TBXAS1: variants seen among roughly 807,000 people sequenced by gnomAD.
The protein encoded by TBXAS1 is thromboxane-A synthase.
In TBXAS1, 48 loss-of-function variants were observed where a neutral mutation model predicts 60.7. The observed-to-expected ratio is 0.79, with a 90% confidence interval of 0.63 to 1.01. The LOEUF (loss-of-function observed/expected upper bound fraction) is 1.01, where lower values mean the gene tolerates loss of function less well. TBXAS1 is among the 50% of genes least tolerant of loss of function. The pLI is 0.00. For synonymous variants in TBXAS1, 287 were observed against 269.7 expected (o/e 1.06, Z -0.63); for missense variants, 685 against 686.3 (o/e 1.00, Z 0.02).
intron 4 of TBXAS1, among the ~76,000 whole-genome samples, chr7:139,931,431 C>T (rs1463195380): frequency 6.6e-6 from 1 of 152,182 alleles, no homozygotes. Context: ...TTACCAGTCT[C>T]GTTACTCATT....
At chr7:139,866,339 TTATAA>T (rs1413501845) in intron 1 of TBXAS1, among the ~76,000 whole-genome samples, 2 of 152,190 alleles carry the variant, frequency 1.3e-5, no homozygotes, top group Non-Finnish European at 2.9e-5. Flanking sequence ...GTTTAGTAAA[TTATAA>T]TATGTATATA....
chr7:139,899,332 A>G (rs1170526404), intron 3 of TBXAS1, among the ~76,000 whole-genome samples: 1 of 152,180 alleles, frequency 6.6e-6, no homozygotes, highest in East Asian at 1.9e-4. Flanking sequence ...GGAACAGTCT[A>G]TAGCTCGGTC....
At chr7:139,966,607 C>G (rs533455156) in intron 9 of TBXAS1, among the ~76,000 whole-genome samples, 1 of 152,224 alleles carries the variant, frequency 6.6e-6, no homozygotes, top group Non-Finnish European at 1.5e-5. Flanking sequence ...AACTTGAAAC[C>G]ATTTGGTGTT....
intron 3 of TBXAS1, among the ~76,000 whole-genome samples, chr7:139,886,706 G>A (rs1422865166): frequency 1.3e-5 from 2 of 152,100 alleles, no homozygotes; most frequent in African/African-American, 2.4e-5. Flanking sequence ...ACCACAAAGA[G>A]GCAACTGTTG....
chr7:139,966,532 T>C (rs41720), intron 9 of TBXAS1, among the ~76,000 whole-genome samples: 136,967 of 152,250 alleles, frequency 0.9, 61,722 homozygotes, highest in Non-Finnish European at 0.94. Context: ...AGGCACATCT[T>C]CCCTAGGGGT....
At chr7:139,844,910 C>T (rs531448630) in intron 1 of TBXAS1, among the ~76,000 whole-genome samples, 1 of 152,062 alleles carries the variant, frequency 6.6e-6, no homozygotes, top group South Asian at 2.1e-4. Flanking sequence ...CAGCCACTCC[C>T]TCCTTGCTCA....
chr7:140,017,475 T>G (rs767839337), intron 11 of TBXAS1, among the ~76,000 whole-genome samples, 196 bp from the exon 12 acceptor site: 3 of 152,186 alleles, frequency 2.0e-5, no homozygotes, highest in African/African-American at 4.8e-5. Flanking sequence ...CGAATTCAGC[T>G]CTGCCTCTGG....
chr7:139,920,438 C>A (rs1032660053), intron 4 of TBXAS1, among the ~76,000 whole-genome samples: 2 of 152,194 alleles, frequency 1.3e-5, no homozygotes, highest in Non-Finnish European at 1.5e-5. Context: ...AGGGGCCACC[C>A]TTTGAAGGAG....
chr7:139,833,684 CAAAAAAATAA>C (rs1330335063), intron 1 of TBXAS1, among the ~76,000 whole-genome samples: 2 of 148,718 alleles, frequency 1.3e-5, no homozygotes, highest in Non-Finnish European at 3.0e-5. Context: ...GACTCTTTCT[CAAAAAAATAA>C]AAAAAAGAGA....
rs541134719 is a variant in TBXAS1, at chr7:139,999,654, A to G, written c.1135-7437A>G. 6.6e-6 allele frequency among the ~76,000 whole-genome samples: 1 copy of G among 152,312 alleles called. No individual in the cohort carries two copies. Among genetic ancestry groups the G allele is most frequent in the East Asian group, 1.9e-4 (1 of 5,180 alleles). ...CACGGTCCCTGGAGAATCAGAGTGA[A>G]TGGAAATCTTTATTCTTCATATGGC... On this transcript the variant is annotated intron_variant, in intron 9 of 12. Coordinates refer to ENST00000448866, the MANE Select transcript of TBXAS1 (RefSeq NM_001061.7). This position sits in a 1 kb window ranked among gnomAD's most constrained non-coding sequence, Gnocchi z 4.3.
rs1813904181 is a variant in TBXAS1, at chr7:140,004,411, T to G, written c.1135-2680T>G. Among the ~76,000 whole-genome samples, 1 of 152,272 alleles carries G rather than the reference T, an allele frequency of 6.6e-6. No individual in the cohort carries two copies. Among genetic ancestry groups the G allele is most frequent in the South Asian group, 2.1e-4 (1 of 4,832 alleles). ...TAGCAAGCATTTTACCATTCATCTT[T>G]ATATCAAACAATGCCAGTTTTAAAT... On this transcript the variant is annotated intron_variant, in intron 9 of 12. Transcript: ENST00000448866. This position sits in a 1 kb window ranked among gnomAD's most constrained non-coding sequence, Gnocchi z 5.1.
At chr7:139,817,932 T>C (rs1393206963) in intron 4 of TBXAS1, among the ~76,000 whole-genome samples, 4 of 152,228 alleles carry the variant, frequency 2.6e-5, no homozygotes, top group African/African-American at 7.2e-5. Flanking sequence ...AAGAGCACCA[T>C]TGTTACCTGA....
chr7:139,976,492 G>A (rs994611939), intron 9 of TBXAS1, among the ~76,000 whole-genome samples: 14 of 152,266 alleles, frequency 9.2e-5, no homozygotes, highest in South Asian at 4.1e-4. Flanking sequence ...TAAAATAGAC[G>A]CCAGCCTTCT....
intron 4 of TBXAS1, among the ~76,000 whole-genome samples, chr7:139,792,479 A>G (rs907159221): frequency 6.6e-6 from 1 of 152,184 alleles, no homozygotes; most frequent in African/African-American, 2.4e-5. Context: ...TTTGTCTTTT[A>G]TGTCAAATTT....
At chr7:139,794,659 C>A (rs1191211757) in intron 4 of TBXAS1, among the ~76,000 whole-genome samples, 1 of 103,270 alleles carries the variant, frequency 9.7e-6, no homozygotes, top group African/African-American at 3.7e-5. Flanking sequence ...TGCTATCCCT[C>A]CCCCCTCCCC....
At chr7:139,838,356 A>C (rs1279847204) in intron 1 of TBXAS1, among the ~76,000 whole-genome samples, 2 of 152,218 alleles carry the variant, frequency 1.3e-5, no homozygotes, top group African/African-American at 4.8e-5. Flanking sequence ...GTTGGTGCCT[A>C]ACAAATGCTG....
At chr7:139,983,372 C>G (rs1050231384) in intron 9 of TBXAS1, among the ~76,000 whole-genome samples, 1 of 152,206 alleles carries the variant, frequency 6.6e-6, no homozygotes, top group Admixed American at 6.5e-5. Context: ...TTTGTTCTCC[C>G]TAATCTATGA....
At position 139,900,500 on chromosome 7, in the gene TBXAS1, G is replaced by C. The variant is rs554629616; in HGVS notation, c.237-10725G>C. 1.4e-4 allele frequency among the ~76,000 whole-genome samples: 21 copies of C among 152,316 alleles called. No homozygotes were observed. The East Asian group carries it at 2.5e-3, about 18-fold the overall frequency. On this transcript the variant is annotated intron_variant, in intron 3 of 12. Coordinates refer to ENST00000448866, the MANE Select transcript of TBXAS1 (RefSeq NM_001061.7). ...CCTTCTAGGGAAGTAAGCTTTGAGAGGCAGAATGGCACTGGGAATTCACAA... is the reference window on the plus strand; with the variant it reads ...CCTTCTAGGGAAGTAAGCTTTGAGACGCAGAATGGCACTGGGAATTCACAA...
chr7:139,951,960 A>G (rs1367531876), intron 5 of TBXAS1, among the ~76,000 whole-genome samples: 2 of 123,934 alleles, frequency 1.6e-5, no homozygotes, highest in African/African-American at 6.4e-5. Context: ...AAAAGAAAGA[A>G]AGAAAGAAAG....
Sources: allele counts gnomAD v4.1 joint callset (sites outside exome capture counted in the v4.1 genomes callset), GRCh38; gene constraint gnomAD v4.1.1; non-coding constraint Gnocchi (gnomAD v3.1); transcripts MANE v1.5; gene names NCBI Gene and HGNC (gene_info 2026-07-23, HGNC 2026-07-21).